UIMC1: variants seen among roughly 807,000 people sequenced by gnomAD.
UIMC1 encodes BRCA1-A complex subunit RAP80.
In UIMC1, 42 loss-of-function variants were observed where a neutral mutation model predicts 84.9. That is an observed-to-expected ratio of 0.49 (90% CI 0.39 to 0.64). The LOEUF is 0.64. Among genes scored for constraint, UIMC1 ranks in the 30% least tolerant of loss-of-function variants. The probability of loss-of-function intolerance (pLI) is 0.00; values close to 1 mark genes in which losing one functional copy is unlikely to be tolerated. For synonymous variants in UIMC1, 281 were observed against 293.0 expected, an observed-to-expected ratio of 0.96 and a Z score of 0.42; for missense variants, 825 against 847.6, an observed-to-expected ratio of 0.97 and a Z score of 0.33.
chr5:176,946,774 C>T (rs189355596), intron 9 of UIMC1, among the ~76,000 whole-genome samples: 1,569 of 148,738 alleles, frequency 0.011, 10 homozygotes, highest in South Asian at 0.026. Flanking sequence ...GGTGGAGGTT[C>T]CAGTGAGCCG....
chr5:177,007,373 A>G (rs544079738), upstream of UIMC1, among the ~76,000 whole-genome samples: 122 of 151,968 alleles, frequency 8.0e-4, no homozygotes, highest in African/African-American at 2.9e-3. Context: ...GGAAAGAAAG[A>G]AAAGAAAAAT....
intron 1 of UIMC1, among the ~76,000 whole-genome samples, chr5:176,986,109 C>T (rs1335144967): frequency 6.6e-6 from 1 of 151,214 alleles, no homozygotes; most frequent in Non-Finnish European, 1.5e-5. Context: ...CATCCTGTGT[C>T]TACAGGATAG....
intron 7 of UIMC1, 75 bp downstream of exon 7, chr5:176,958,018 T>G (rs1311673202): frequency 4.8e-6 from 7 of 1,444,704 alleles, no homozygotes; most frequent in Admixed American, 3.6e-5. Flanking sequence ...CCACGTACAG[T>G]CTCACTCATG....
chr5:176,988,263 G>T (rs1157401303), intron 1 of UIMC1, among the ~76,000 whole-genome samples: 1 of 151,982 alleles, frequency 6.6e-6, no homozygotes, highest in African/African-American at 2.4e-5. Context: ...ACTAGTGTTG[G>T]TAAGGATGCT....
At chr5:176,983,053 T>A (rs1455413659) in intron 1 of UIMC1, among the ~76,000 whole-genome samples, 1 of 152,158 alleles carries the variant, frequency 6.6e-6, no homozygotes, top group African/African-American at 2.4e-5. Context: ...AGGCTGGTAT[T>A]GAACTCCTGA....
chr5:176,998,466 C>CAAAAAAAAAA lies in UIMC1; in HGVS notation c.-9+8174_-9+8183dup, dbSNP rs35445945. 4.5e-4 allele frequency among the ~76,000 whole-genome samples: 29 copies of CAAAAAAAAAA among 64,382 alleles called. 1 individual carries two copies. The highest frequency in any genetic ancestry group is 7.3e-4 in the African/African-American group (11 of 15,128). 42.2% of individuals were successfully genotyped at this position (64,382 alleles called of 152,430 possible). Reference sequence around the variant, plus strand: ...TGGACGACAGAGCAAGACTCTGTCTCAAAAAAAAAAAAAAAAAAAGTCTGG... The same window carrying CAAAAAAAAAA: ...TGGACGACAGAGCAAGACTCTGTCTCAAAAAAAAAAAAAAAAAAAAAAAAAAAAAGTCTGG... On this transcript the variant is annotated intron_variant, in intron 1 of 14. Coordinates refer to ENST00000511320, the MANE Select transcript of UIMC1 (RefSeq NM_001199298.2).
chr5:177,019,473 A>G (rs1042651387), intron 1 of UIMC1, among the ~76,000 whole-genome samples: 1 of 149,354 alleles, frequency 6.7e-6, no homozygotes, highest in African/African-American at 2.5e-5. Context: ...CTGTCTCTAC[A>G]AAAAAAAAAT....
intron 10 of UIMC1, among the ~76,000 whole-genome samples, chr5:176,938,427 T>C (rs185096511): frequency 6.6e-6 from 1 of 152,216 alleles, no homozygotes; most frequent in East Asian, 1.9e-4. Flanking sequence ...TGAGTACCTA[T>C]TGTACACCAA....
chr5:176,910,506 T>A (rs372814087), intron 11 of UIMC1, among the ~76,000 whole-genome samples: 3 of 152,216 alleles, frequency 2.0e-5, no homozygotes, highest in African/African-American at 7.2e-5. Context: ...TGGGGCTGAA[T>A]AATTAATTGA....
Position 176,905,181 on chromosome 5 carries a change from G to A in UIMC1, c.*101C>T. Reference sequence around the variant, plus strand: ...TAGGTGCTGGTGGTGAAAACTGCAGGGCTAAAACTTGCTCAACAATGAACT... The same window carrying A: ...TAGGTGCTGGTGGTGAAAACTGCAGAGCTAAAACTTGCTCAACAATGAACT... On this transcript the variant is annotated 3_prime_UTR_variant, in exon 15 of 15. Transcript: ENST00000511320. The A allele has an allele frequency of 7.7e-7, 1 of 1,294,686 alleles. No individual in the cohort carries two copies. Among genetic ancestry groups the A allele is most frequent in the East Asian group, 2.4e-5 (1 of 41,598 alleles). 80.2% of individuals were successfully genotyped at this position (1,294,686 alleles called of 1,614,324 possible). A position where few individuals can be genotyped will look rare whatever the true frequency, so the allele number is the denominator to read the frequency against.
Position 176,958,168 on chromosome 5 carries a change from C to A in UIMC1, c.1201-14G>T, listed in dbSNP as rs369637694. ...CCCTTGGGAAGACTGCAAAGAAATA[C>A]GTAGTATCTTAAATATACAGGCACA... On this transcript the variant is annotated splice_polypyrimidine_tract_variant and intron_variant, in intron 6 of 14. Coordinates refer to ENST00000511320, the MANE Select transcript of UIMC1 (RefSeq NM_001199298.2). 1.9e-6 allele frequency: 3 copies of A among 1,610,868 alleles called. No homozygotes were observed. The highest frequency in any genetic ancestry group is 1.1e-5 in the South Asian group (1 of 90,716).
At chr5:176,997,645 A>T (rs1773802685) in intron 1 of UIMC1, among the ~76,000 whole-genome samples, 1 of 140,562 alleles carries the variant, frequency 7.1e-6, no homozygotes, top group Non-Finnish European at 1.5e-5. Flanking sequence ...AGATTGCACC[A>T]CTGCACTCCA....
At chr5:177,005,247 T>C (rs1475447259) in intron 1 of UIMC1, among the ~76,000 whole-genome samples, 1 of 151,988 alleles carries the variant, frequency 6.6e-6, no homozygotes, top group Admixed American at 6.6e-5. Flanking sequence ...ATAATTTTTT[T>C]TATTTTTTGT....
chr5:176,946,582 C>A (rs1018016634), intron 9 of UIMC1, among the ~76,000 whole-genome samples: 31 of 152,160 alleles, frequency 2.0e-4, no homozygotes, highest in African/African-American at 7.5e-4. Flanking sequence ...CGCTTATAAT[C>A]CCAGCACTTT....
chr5:176,975,400 G>T lies in UIMC1; in HGVS notation c.228C>A (p.Ile76=). The T allele has an allele frequency of 1.2e-6, 2 of 1,613,280 alleles. No individual in the cohort carries two copies. ...ATCAACAAAATGAAAACATACGTGC[G>T]ATTTTTCTTTTGGCCAAACACTTTG... is the stretch of plus-strand genomic sequence containing the variant. ...NRAKCLAKRK[I]AQMTEEEQFA... Residue 76 remains isoleucine, a synonymous_variant, in exon 3 of 15, where the codon ATC becomes ATA. Coordinates refer to ENST00000511320, the MANE Select transcript of UIMC1 (RefSeq NM_001199298.2).
At chr5:176,976,328 A>C (rs1224036445) in intron 2 of UIMC1, among the ~76,000 whole-genome samples, 1 of 152,146 alleles carries the variant, frequency 6.6e-6, no homozygotes, top group African/African-American at 2.4e-5. Flanking sequence ...AAAATAAATA[A>C]ATAAAAATAA....
intron 10 of UIMC1, among the ~76,000 whole-genome samples, chr5:176,917,900 A>G (rs1262361208): frequency 6.6e-6 from 1 of 152,250 alleles, no homozygotes; most frequent in Non-Finnish European, 1.5e-5. Context: ...CAGAGGCAGT[A>G]GTAAGCCGAG....
chr5:176,984,376 C>T (rs10077449), intron 1 of UIMC1, among the ~76,000 whole-genome samples: 11,816 of 138,934 alleles, frequency 0.085, 1,108 homozygotes, highest in African/African-American at 0.23. Flanking sequence ...CCGGCCTCCC[C>T]GTCTGGGAAG....
intron 1 of UIMC1, among the ~76,000 whole-genome samples, chr5:177,004,000 T>C (rs1774914754): frequency 6.6e-6 from 1 of 152,146 alleles, no homozygotes; most frequent in African/African-American, 2.4e-5. Flanking sequence ...AGCTAATTTT[T>C]TGTATTTTTT....
Sources: gnomAD v4.1 joint callset for allele counts (sites outside exome capture counted in the v4.1 genomes callset) on GRCh38, gnomAD v4.1.1 for gene constraint, MANE v1.5 for transcripts, NCBI Gene and HGNC (gene_info 2026-07-23, HGNC 2026-07-21) for gene names.